The following SCN8A variants were observed in gnomAD, a reference collection of about 807,000 sequenced individuals.
SCN8A encodes the protein sodium channel protein type 8 subunit alpha.
Under a neutral mutation model 184.1 loss-of-function variants are expected in SCN8A, and 30 were observed. The ratio of observed to expected loss-of-function variants is 0.16; its 90% confidence interval spans 0.12 to 0.22. The LOEUF is 0.22. Ranked by LOEUF, SCN8A falls within the 10% of genes least tolerant of loss-of-function variation. SCN8A has a pLI of 1.00. For missense variants in SCN8A, 1,057 were observed against 2,498.9 expected (o/e 0.42, Z 12.30); for synonymous variants, 852 against 907.0 (o/e 0.94, Z 1.09).
At chr12:51,645,119 G>A (rs1290537698) in intron 1 of SCN8A, among the ~76,000 whole-genome samples, 4 of 147,392 alleles carry the variant, frequency 2.7e-5, no homozygotes, top group Non-Finnish European at 1.5e-5. Flanking sequence ...CCGTCTGGCA[G>A]GTGAGGGGCG....
intron 2 of SCN8A, among the ~76,000 whole-genome samples, chr12:51,679,720 CCTTT>C (rs1941293109): frequency 1.0e-5 from 1 of 99,682 alleles, no homozygotes; most frequent in African/African-American, 4.1e-5. Flanking sequence ...GACTATCTTG[CCTTT>C]TTTTTTTTTT....
intron 25 of SCN8A, among the ~76,000 whole-genome samples, chr12:51,790,853 A>G (rs978237125): frequency 1.3e-5 from 2 of 152,202 alleles, no homozygotes; most frequent in Non-Finnish European, 2.9e-5. Context: ...AGTTCAAGAT[A>G]GGATTTGGTC....
rs569690050 is a variant in SCN8A at position 51,778,183 on chromosome 12, G to A, written c.3820-2466G>A. 9.2e-5 allele frequency among the ~76,000 whole-genome samples: 14 copies of A among 152,208 alleles called. No homozygotes were observed. The South Asian group carries it at 2.7e-3, about 29-fold the overall frequency. On this transcript the variant is annotated intron_variant, in intron 20 of 26. Coordinates refer to ENST00000627620, the MANE Select transcript of SCN8A (RefSeq NM_001330260.2). ...GCCTAATAGGGCAACATTTACTTCC[G>A]GATTTGCTTTGGACATTGCCCAGGG... is the stretch of plus-strand genomic sequence containing the variant.
chr12:51,739,759 C>T (rs542308920), intron 12 of SCN8A, among the ~76,000 whole-genome samples: 11 of 152,044 alleles, frequency 7.2e-5, no homozygotes, highest in East Asian at 1.9e-4. Flanking sequence ...ACGCCACTTG[C>T]GCGAGACCAG....
chr12:51,655,532 C>A (rs1186451878), intron 1 of SCN8A, among the ~76,000 whole-genome samples: 1 of 151,866 alleles, frequency 6.6e-6, no homozygotes, highest in Non-Finnish European at 1.5e-5. Flanking sequence ...CCAGGGGGAC[C>A]CAGATAAATT....
intron 1 of SCN8A, among the ~76,000 whole-genome samples, chr12:51,616,426 T>C (rs1939837829): frequency 6.6e-6 from 1 of 152,086 alleles, no homozygotes; most frequent in African/African-American, 2.4e-5. Flanking sequence ...CTGGCTAACA[T>C]GGTGAAACCT....
intron 1 of SCN8A, among the ~76,000 whole-genome samples, chr12:51,625,126 C>T (rs1940050372): frequency 6.6e-6 from 1 of 152,184 alleles, no homozygotes; most frequent in African/African-American, 2.4e-5. Flanking sequence ...GTATGTTCCA[C>T]CCTAGTAACA....
Position 51,666,135 on chromosome 12 carries a change from A to T in SCN8A, c.276+3042A>T, listed in dbSNP as rs191235587. ...TATTTATATACTGGATTGGACAAAA[A>T]AGTAGTAAATTGTGAAGAAGCAACT... On this transcript the variant is annotated intron_variant, in intron 2 of 26. Coordinates refer to ENST00000627620, the MANE Select transcript of SCN8A (RefSeq NM_001330260.2). Among the ~76,000 whole-genome samples, 1,385 of 152,284 alleles carry T rather than the reference A, an allele frequency of 9.1e-3. 25 individuals carry two copies. Among genetic ancestry groups the T allele is most frequent in the African/African-American group, 0.032 (1,325 of 41,552 alleles).
At chr12:51,762,082 A>G (rs999925627) in intron 14 of SCN8A, among the ~76,000 whole-genome samples, 1 of 152,202 alleles carries the variant, frequency 6.6e-6, no homozygotes, top group African/African-American at 2.4e-5. Context: ...GGTAAGATAT[A>G]ATGTCAAATT....
chr12:51,759,946 G>C (rs1032072607), intron 14 of SCN8A, among the ~76,000 whole-genome samples: 11 of 152,310 alleles, frequency 7.2e-5, no homozygotes, highest in Admixed American at 7.2e-4. Flanking sequence ...CAGTGAGAGA[G>C]CAAGAGAGGG....
rs1938799365 is a variant in SCN8A at position 51,808,879 on chromosome 12, T to G, written c.*1450T>G. On this transcript the variant is annotated 3_prime_UTR_variant, in exon 27 of 27. Coordinates refer to ENST00000627620, the MANE Select transcript of SCN8A (RefSeq NM_001330260.2). ...GCAGGGCTTCCCTTGCCCACAGAGG[T>G]GGGTGAGGGTAGCAGCATTGGGGTT... The G allele has an allele frequency of 6.6e-6, 1 of 151,944 alleles. No homozygotes were observed. The highest frequency in any genetic ancestry group is 2.1e-4 in the South Asian group (1 of 4,804). 9.4% of individuals were successfully genotyped at this position (151,944 alleles called of 1,614,324 possible).
chr12:51,623,896 A>G (rs567941315), intron 1 of SCN8A, among the ~76,000 whole-genome samples: 1 of 152,276 alleles, frequency 6.6e-6, no homozygotes, highest in Admixed American at 6.5e-5. Context: ...TAGTTTGCTG[A>G]GAATGATGGT....
intron 12 of SCN8A, among the ~76,000 whole-genome samples, chr12:51,739,175 T>C (rs564236055): frequency 6.6e-6 from 1 of 152,212 alleles, no homozygotes; most frequent in Non-Finnish European, 1.5e-5. Context: ...ATAGCTTTTT[T>C]AAATTCTTTG....
intron 1 of SCN8A, among the ~76,000 whole-genome samples, chr12:51,649,573 G>T (rs10747618): frequency 0.7 from 106,790 of 152,090 alleles, 40,376 homozygotes; most frequent in East Asian, 0.86. Context: ...CCACATGGAA[G>T]CTGCCAAGTC....
chr12:51,634,417 G>T (rs1431397080), intron 1 of SCN8A, among the ~76,000 whole-genome samples: 1 of 152,016 alleles, frequency 6.6e-6, no homozygotes, highest in Non-Finnish European at 1.5e-5. Flanking sequence ...ATTGCTATCT[G>T]TGTTTTTGTA....
chr12:51,597,223 A>G (rs962418654), intron 1 of SCN8A, among the ~76,000 whole-genome samples: 1 of 152,162 alleles, frequency 6.6e-6, no homozygotes, highest in African/African-American at 2.4e-5. Flanking sequence ...TGACTAAAAT[A>G]GGCGATGGAG....
At chr12:51,681,449 T>C (rs1398248913) in intron 2 of SCN8A, among the ~76,000 whole-genome samples, 1 of 152,148 alleles carries the variant, frequency 6.6e-6, no homozygotes, top group Non-Finnish European at 1.5e-5. Context: ...GCTATTTTCA[T>C]AGAGGGAGTT....
At chr12:51,682,422 T>C (rs1047068829) in intron 2 of SCN8A, among the ~76,000 whole-genome samples, 6 of 152,208 alleles carry the variant, frequency 3.9e-5, no homozygotes, top group Non-Finnish European at 7.4e-5. Context: ...AGCAAAACCG[T>C]CTGGTCCTGG....
chr12:51,704,670 CA>C (rs34946747), intron 9 of SCN8A, among the ~76,000 whole-genome samples: 46,825 of 93,206 alleles, frequency 0.5, 9,517 homozygotes, highest in East Asian at 0.7. Flanking sequence ...ACTCCACCTA[CA>C]AAAAAAAAAA....
Sources: gnomAD v4.1 joint callset for allele counts (sites outside exome capture counted in the v4.1 genomes callset) on GRCh38, gnomAD v4.1.1 for gene constraint, MANE v1.5 for transcripts, NCBI Gene and HGNC (gene_info 2026-07-23, HGNC 2026-07-21) for gene names.